Variants in PAMR1 observed in about 807,000 individuals in gnomAD.
PAMR1 encodes inactive serine protease PAMR1.
In PAMR1, 88 loss-of-function variants were observed where a neutral mutation model predicts 81.8. That is an observed-to-expected ratio of 1.08 (90% CI 0.91 to 1.28). PAMR1 has a LOEUF of 1.28. PAMR1 is among the 50% of genes most tolerant of loss of function. The probability of loss-of-function intolerance (pLI) is 0.00; values close to 1 mark genes in which losing one functional copy is unlikely to be tolerated. For missense variants in PAMR1, 935 were observed against 919.7 expected, an observed-to-expected ratio of 1.02 and a Z score of -0.21; for synonymous variants, 336 against 345.3, an observed-to-expected ratio of 0.97 and a Z score of 0.30.
intron 6 of PAMR1, among the ~76,000 whole-genome samples, chr11:35,454,166 C>T (rs926751158): frequency 6.6e-6 from 1 of 152,182 alleles, no homozygotes; most frequent in Non-Finnish European, 1.5e-5. Flanking sequence ...GATTCTTTTG[C>T]CAGCTCAAGG....
At chr11:35,508,307 G>A (rs1851010004) in intron 1 of PAMR1, among the ~76,000 whole-genome samples, 1 of 151,994 alleles carries the variant, frequency 6.6e-6, no homozygotes, top group Admixed American at 6.6e-5. Context: ...CTGTGGAGAG[G>A]GACATTATGG....
chr11:35,508,342 A>G (rs1851010502), intron 1 of PAMR1, among the ~76,000 whole-genome samples: 1 of 152,064 alleles, frequency 6.6e-6, no homozygotes, highest in Non-Finnish European at 1.5e-5. Flanking sequence ...TTCTCTTACC[A>G]TCTGCTCAGA....
chr11:35,512,521 A>C (rs1385695895), intron 1 of PAMR1, among the ~76,000 whole-genome samples: 2 of 152,250 alleles, frequency 1.3e-5, no homozygotes, highest in Non-Finnish European at 2.9e-5. Context: ...TGAAGAAGAA[A>C]GCAGCATTGG....
intron 10 of PAMR1, 110 bp downstream of exon 10, chr11:35,434,402 G>T: frequency 9.7e-7 from 1 of 1,032,464 alleles, no homozygotes; most frequent in Non-Finnish European, 1.4e-6. Context: ...GAGGCTCTGG[G>T]CTGGCTGCTG....
At position 35,441,773 on chromosome 11, in the gene PAMR1, T is replaced by A. The variant is rs1443220181; in HGVS notation, c.821-80A>T. ...TAGAATAGAATCTTTCATGTTTCATTGAACTAAAAATACAATGATATAGGA... is the reference window on the plus strand; with the variant it reads ...TAGAATAGAATCTTTCATGTTTCATAGAACTAAAAATACAATGATATAGGA... On this transcript the variant is annotated intron_variant, in intron 6 of 10. Transcript: ENST00000619888. The A allele has an allele frequency of 9.5e-6, 9 of 947,744 alleles. 1 individual carries two copies. The South Asian group carries it at 1.1e-4, about 11-fold the overall frequency. The allele number at this position is 947,744 out of a possible 1,614,324, so 58.7% of individuals were successfully genotyped here.
chr11:35,485,346 C>T (rs2135393189), intron 3 of PAMR1, among the ~76,000 whole-genome samples: 1 of 152,192 alleles, frequency 6.6e-6, no homozygotes, highest in African/African-American at 2.4e-5. Context: ...TGGAAAGGAG[C>T]ATATGGATGT....
At chr11:35,516,542 G>A (rs554416924) in intron 1 of PAMR1, among the ~76,000 whole-genome samples, 2 of 152,298 alleles carry the variant, frequency 1.3e-5, no homozygotes, top group African/African-American at 4.8e-5. Context: ...CGGGCAGAGA[G>A]AGAAGGCACA....
chr11:35,498,689 C>T (rs1265736425), intron 1 of PAMR1, among the ~76,000 whole-genome samples: 2 of 152,260 alleles, frequency 1.3e-5, no homozygotes. Context: ...CACCCGACTC[C>T]GTCCACCTTT....
chr11:35,436,250 T>A (rs570710513), intron 8 of PAMR1, 115 bp from the exon 9 acceptor site: 18 of 660,036 alleles, frequency 2.7e-5, no homozygotes, highest in South Asian at 2.6e-4. Context: ...ACAGAAAAAA[T>A]CTCTGTCTCT....
intron 6 of PAMR1, chr11:35,451,771 T>C: frequency 1.8e-6 from 1 of 550,292 alleles, no homozygotes; most frequent in Non-Finnish European, 3.2e-6. Context: ...TTCATGAGGG[T>C]GGAGCCCTCA....
At chr11:35,463,573 T>C (rs1483331725) in intron 6 of PAMR1, among the ~76,000 whole-genome samples, 1 of 152,156 alleles carries the variant, frequency 6.6e-6, no homozygotes, top group Non-Finnish European at 1.5e-5. Context: ...AACAGGAAAC[T>C]TCAGAGGGAA....
At chr11:35,500,385 T>A (rs1270295609) in intron 1 of PAMR1, among the ~76,000 whole-genome samples, 1 of 152,176 alleles carries the variant, frequency 6.6e-6, no homozygotes, top group Non-Finnish European at 1.5e-5. Flanking sequence ...TATTGAGTGT[T>A]GACTACATCC....
chr11:35,468,553 T>C (rs148312794), intron 5 of PAMR1, among the ~76,000 whole-genome samples: 150 of 152,358 alleles, frequency 9.8e-4, no homozygotes, highest in African/African-American at 3.3e-3. Context: ...GTTGAAGGTA[T>C]ATTCAATAAT....
intron 1 of PAMR1, among the ~76,000 whole-genome samples, chr11:35,513,964 C>T (rs982264283): frequency 6.6e-6 from 1 of 152,170 alleles, no homozygotes; most frequent in Admixed American, 6.5e-5. Context: ...CTGTACTTTG[C>T]ACTGGTTCTC....
intron 2 of PAMR1, among the ~76,000 whole-genome samples, chr11:35,493,810 TATCATTGTATTC>T (rs1850672436): frequency 6.6e-6 from 1 of 152,246 alleles, no homozygotes; most frequent in Non-Finnish European, 1.5e-5. Context: ...TCTTTTGTTT[TATCATTGTATTC>T]CCAGTACCCC....
chr11:35,473,846 G>C (rs1394772910), intron 4 of PAMR1, among the ~76,000 whole-genome samples: 2 of 152,186 alleles, frequency 1.3e-5, no homozygotes, highest in Non-Finnish European at 1.5e-5. Context: ...AATGAGAAGA[G>C]CTAAGTGGAC....
intron 2 of PAMR1, among the ~76,000 whole-genome samples, chr11:35,493,498 G>A (rs889919362): frequency 2.9e-4 from 44 of 152,124 alleles, no homozygotes; most frequent in African/African-American, 1.0e-3. Flanking sequence ...CTGCCGGACT[G>A]TGCTAGTTGC....
In PAMR1 at chr11:35,436,079, C is replaced by T. The variant is rs1352409158; in HGVS notation, c.1157G>A (p.Ser386Asn). ...AAGGGCTGGCTTCTTGGTAGGGGCA[C>T]TCTGCAGTTTCTGCTTGCTGAAGGC... ...SAAFSKQKLQ[S>N]APTKKPALPF... The change falls in exon 9 of 11, where the codon AGT (serine) becomes AAT (asparagine). Residue 386 changes from serine to asparagine, a missense_variant. Physicochemically the swap from Ser to Asn is conservative, Grantham distance 46. Coordinates refer to ENST00000619888, the MANE Select transcript of PAMR1 (RefSeq NM_001001991.3). 7.4e-6 allele frequency: 12 copies of T among 1,614,166 alleles called. No individual in the cohort carries two copies. The highest frequency in any genetic ancestry group is 9.3e-6 in the Non-Finnish European group (11 of 1,180,032).
chr11:35,478,844 G>A (rs1025759138), intron 3 of PAMR1, among the ~76,000 whole-genome samples: 5 of 152,206 alleles, frequency 3.3e-5, no homozygotes, highest in African/African-American at 9.6e-5. Flanking sequence ...GCGTGTGTGT[G>A]TGTGTGTGTG....
Sources: gnomAD v4.1 joint callset for allele counts (sites outside exome capture counted in the v4.1 genomes callset) on GRCh38, gnomAD v4.1.1 for gene constraint, MANE v1.5 for transcripts, NCBI Gene and HGNC (gene_info 2026-07-23, HGNC 2026-07-21) for gene names.